The following HIVEP2 variants were observed in gnomAD, a reference collection of about 807,000 sequenced individuals.
The protein encoded by HIVEP2 is HIVEP zinc finger 2.
In HIVEP2, 14 loss-of-function variants were observed where a neutral mutation model predicts 180.7. The observed-to-expected ratio is 0.08, with a 90% CI of 0.05 to 0.12. HIVEP2 has a LOEUF of 0.12. Among genes scored for constraint, HIVEP2 ranks in the 10% least tolerant of loss-of-function variants. The pLI is 1.00. For synonymous variants in HIVEP2, 1,184 were observed against 1,136.4 expected (o/e 1.04, Z -0.84); for missense variants, 2,579 against 3,008.5 (o/e 0.86, Z 3.34).
intron 1 of HIVEP2, among the ~76,000 whole-genome samples, chr6:142,930,614 G>A (rs1428222951): frequency 1.3e-5 from 2 of 151,976 alleles, no homozygotes; most frequent in South Asian, 2.1e-4. Flanking sequence ...CGTACCTTTC[G>A]GGCTGTAGGT....
intron 1 of HIVEP2, among the ~76,000 whole-genome samples, chr6:142,914,125 G>A (rs920870518): frequency 2.0e-5 from 3 of 152,264 alleles, no homozygotes; most frequent in African/African-American, 4.8e-5. Context: ...GTAGGTAACC[G>A]TGGGCAAGCA....
chr6:142,760,255 T>C lies in HIVEP2; in HGVS notation c.6033A>G (p.Pro2011=). 1.9e-6 allele frequency: 3 copies of C among 1,614,226 alleles called. No individual in the cohort carries two copies. The highest frequency in any genetic ancestry group is 2.5e-6 in the Non-Finnish European group (3 of 1,180,038). The part of the protein sequence containing the change: ...LFQSKSTDSE[P]DKDRLDIPSC... ...TAGGTATGTCCAATCTGTCTTTGTC[T>C]GGTTCTGAGTCCGTACTTTTGCTCT... The change falls in exon 9 of 10, where the codon CCA becomes CCG. Residue 2011 remains proline (P), a synonymous_variant. Transcript: ENST00000367603.
rs949539104 is a variant in HIVEP2 at position 142,876,007 on chromosome 6, A to G, written c.-640-38960T>C. Among the ~76,000 whole-genome samples, 3 of 152,178 alleles carry G rather than the reference A, an allele frequency of 2.0e-5. No homozygotes were observed. In the South Asian group the frequency reaches 6.2e-4, roughly 32 times the overall value. On this transcript the variant is annotated intron_variant, in intron 1 of 9. Transcript: ENST00000367603. Reference sequence around the variant, plus strand: ...AAGAAGATAGGAGGATTTAGATAGAACCCTAAGGGAGTCCAACACTTAGGG... The same window carrying G: ...AAGAAGATAGGAGGATTTAGATAGAGCCCTAAGGGAGTCCAACACTTAGGG...
At chr6:142,823,301 C>A (rs909050023) in intron 2 of HIVEP2, among the ~76,000 whole-genome samples, 2 of 152,176 alleles carry the variant, frequency 1.3e-5, no homozygotes, top group African/African-American at 4.8e-5. Flanking sequence ...AAATCCACAG[C>A]ACCTTTATCA....
intron 1 of HIVEP2, among the ~76,000 whole-genome samples, chr6:142,841,886 C>G (rs1450934068): frequency 1.3e-5 from 2 of 152,132 alleles, no homozygotes; most frequent in African/African-American, 4.8e-5. Flanking sequence ...TCATGTCCAG[C>G]AATTAAATTG....
At chr6:142,940,962 T>G (rs2128441527) in intron 1 of HIVEP2, among the ~76,000 whole-genome samples, 1 of 152,304 alleles carries the variant, frequency 6.6e-6, no homozygotes, top group South Asian at 2.1e-4. Context: ...TCCAAAGCAC[T>G]TTCTCAAATA....
chr6:142,836,682 A>G (rs1775231418), intron 2 of HIVEP2, among the ~76,000 whole-genome samples: 1 of 152,188 alleles, frequency 6.6e-6, no homozygotes, highest in Non-Finnish European at 1.5e-5. Flanking sequence ...TTAATACATC[A>G]AATAAAATAA....
intron 2 of HIVEP2, among the ~76,000 whole-genome samples, chr6:142,827,925 T>C (rs1217605829): frequency 6.6e-6 from 1 of 152,242 alleles, no homozygotes; most frequent in Non-Finnish European, 1.5e-5. Context: ...TGCAGGCTTT[T>C]CCTCACTGGT....
Position 142,771,434 on chromosome 6 carries a change from C to T in HIVEP2, c.3305G>A (p.Ser1102Asn). The change falls in exon 5 of 10, where the codon AGC (serine) becomes AAC (asparagine). Residue 1102 changes from serine to asparagine, a missense_variant. Physicochemically the swap from Ser to Asn is conservative, Grantham distance 46. This residue lies in a region of HIVEP2 where 523 missense variants were observed against 577.0 expected (regional missense o/e 0.91). Coordinates refer to ENST00000367603, the MANE Select transcript of HIVEP2 (RefSeq NM_006734.4). This position sits in a 1 kb window ranked among gnomAD's most constrained non-coding sequence, Gnocchi z 5.4. ...ISQGEVGMDQ[S>N]VKQEQLEHLH... The stretch of plus-strand genomic sequence containing the variant: ...GTGCTCCAGCTGCTCTTGCTTCACG[C>T]TCTGATCCATGCCAACCTCGCCCTG... The T allele has an allele frequency of 6.2e-7, 1 of 1,613,578 alleles. No homozygotes were observed. Among genetic ancestry groups the T allele is most frequent in the South Asian group, 1.1e-5 (1 of 91,084 alleles).
At chr6:142,913,562 C>T (rs149697394) in intron 1 of HIVEP2, among the ~76,000 whole-genome samples, 1 of 152,136 alleles carries the variant, frequency 6.6e-6, no homozygotes, top group Non-Finnish European at 1.5e-5. Context: ...TTCCCACAAG[C>T]CTTGGAAGAA....
At chr6:142,846,866 T>C (rs117369237) in intron 1 of HIVEP2, among the ~76,000 whole-genome samples, 1,548 of 152,338 alleles carry the variant, frequency 0.01, 21 homozygotes, top group East Asian at 0.045. Context: ...TTCTGTGGTC[T>C]TAATCTGCAA....
intron 1 of HIVEP2, among the ~76,000 whole-genome samples, chr6:142,903,665 T>C (rs1452029351): frequency 6.6e-6 from 1 of 152,158 alleles, no homozygotes; most frequent in East Asian, 1.9e-4. Context: ...TTCCCATTAA[T>C]TCACACACTA....
chr6:142,786,138 A>G (rs1220306526), intron 2 of HIVEP2, among the ~76,000 whole-genome samples: 1 of 152,186 alleles, frequency 6.6e-6, no homozygotes, highest in Non-Finnish European at 1.5e-5. Flanking sequence ...CTCCATCAAA[A>G]TAAAAGAAAA....
At chr6:142,778,763 G>T (rs1048946878) in intron 3 of HIVEP2, among the ~76,000 whole-genome samples, 6 of 151,942 alleles carry the variant, frequency 3.9e-5, no homozygotes, top group African/African-American at 1.5e-4. Flanking sequence ...TCTAAATTTG[G>T]TGACTTCTAA....
intron 1 of HIVEP2, among the ~76,000 whole-genome samples, chr6:142,878,813 C>G (rs1260011388): frequency 6.6e-6 from 1 of 152,108 alleles, no homozygotes; most frequent in Non-Finnish European, 1.5e-5. Context: ...CTGAAGGCAC[C>G]TCGCCTCATC....
chr6:142,861,604 C>T (rs1398583495), intron 1 of HIVEP2, among the ~76,000 whole-genome samples: 2 of 152,142 alleles, frequency 1.3e-5, no homozygotes, highest in Non-Finnish European at 2.9e-5. Flanking sequence ...GAGTATGAAA[C>T]AGTAATATCC....
chr6:142,811,519 A>C (rs1247574475), intron 2 of HIVEP2, among the ~76,000 whole-genome samples: 2 of 152,214 alleles, frequency 1.3e-5, no homozygotes, highest in Non-Finnish European at 2.9e-5. Flanking sequence ...CCTACACACA[A>C]TGTAGCTGCT....
At chr6:142,803,526 A>G (rs938696810) in intron 2 of HIVEP2, among the ~76,000 whole-genome samples, 1 of 150,866 alleles carries the variant, frequency 6.6e-6, no homozygotes, top group Non-Finnish European at 1.5e-5. Context: ...TATAACCAAC[A>G]CTGAGGCAAA....
chr6:142,770,480 G>A lies in HIVEP2; in HGVS notation c.4259C>T (p.Ser1420Phe). 1 of 1,614,204 alleles carries A rather than the reference G, an allele frequency of 6.2e-7. No individual in the cohort carries two copies. Among genetic ancestry groups the A allele is most frequent in the Non-Finnish European group, 8.5e-7 (1 of 1,180,042 alleles). Reference sequence around the variant, plus strand: ...GGTGGAAGGTAAACACAAGGGGATGGAGGATTCTAAGCCGAGGGGCAAAGT... The same window carrying A: ...GGTGGAAGGTAAACACAAGGGGATGAAGGATTCTAAGCCGAGGGGCAAAGT... ...PQTLPLGLES[S>F]IPLCLPSTSD... Residue 1420 changes from serine (S) to phenylalanine (F), a missense_variant, in exon 5 of 10, where the codon TCC becomes TTC. This residue lies in a region of HIVEP2 where 523 missense variants were observed against 577.0 expected (regional missense o/e 0.91). Coordinates refer to ENST00000367603, the MANE Select transcript of HIVEP2 (RefSeq NM_006734.4). The surrounding 1 kb of genome is among the most constrained non-coding windows in gnomAD (Gnocchi z 4.7).
Sources: gnomAD v4.1 joint callset for allele counts (sites outside exome capture counted in the v4.1 genomes callset) on GRCh38, gnomAD v4.1.1 for gene constraint, gnomAD v4.1.1 regional missense constraint, Gnocchi (gnomAD v3.1) non-coding constraint, MANE v1.5 for transcripts, NCBI Gene and HGNC (gene_info 2026-07-23, HGNC 2026-07-21) for gene names.